Variants in ST7 observed in about 807,000 individuals in gnomAD.
ST7 encodes the protein suppression of tumorigenicity 7, also known as suppressor of tumorigenicity 7 protein.
ST7 carries 28 observed loss-of-function variants against 78.7 expected under a neutral mutation model. The observed-to-expected ratio is 0.36, with a 90% CI of 0.26 to 0.49. The LOEUF (loss-of-function observed/expected upper bound fraction) is 0.49, where lower values mean the gene tolerates loss of function less well. ST7 is among the 20% of genes least tolerant of loss of function. ST7 has a pLI of 0.99. For synonymous variants in ST7, 247 were observed against 249.6 expected, an observed-to-expected ratio of 0.99 and a Z score of 0.10; for missense variants, 418 against 696.0, an observed-to-expected ratio of 0.60 and a Z score of 4.49.
intron 1 of ST7, among the ~76,000 whole-genome samples, chr7:117,027,928 T>A: frequency 6.6e-6 from 1 of 152,114 alleles, no homozygotes. Context: ...TGGAGTAAGG[T>A]AATATCATTG....
chr7:117,207,389 G>T (rs539711550), intron 12 of ST7, among the ~76,000 whole-genome samples: 9 of 151,986 alleles, frequency 5.9e-5, no homozygotes, highest in Admixed American at 3.9e-4. Flanking sequence ...TGATCCACCC[G>T]CCACGACCTC....
chr7:117,033,377 C>T (rs1263049454), intron 1 of ST7, among the ~76,000 whole-genome samples: 1 of 151,198 alleles, frequency 6.6e-6, no homozygotes, highest in East Asian at 1.9e-4. Context: ...ATAATTCATG[C>T]ATGTCTGCTT....
intron 1 of ST7, among the ~76,000 whole-genome samples, chr7:117,051,492 T>C (rs1797789026): frequency 6.6e-6 from 1 of 152,146 alleles, no homozygotes; most frequent in South Asian, 2.1e-4. Context: ...AAGGGCTAGG[T>C]CACACAGGGG....
chr7:117,151,006 A>G (rs1806195997), intron 9 of ST7, among the ~76,000 whole-genome samples: 1 of 152,194 alleles, frequency 6.6e-6, no homozygotes, highest in Non-Finnish European at 1.5e-5. Flanking sequence ...TTTACTGCCA[A>G]AGCATGTACA....
At chr7:116,968,504 G>T in intron 1 of ST7, 2 of 423,068 alleles carry the variant, frequency 4.7e-6, no homozygotes, top group South Asian at 1.7e-5. Context: ...ACCATGCCTG[G>T]CTTAGAAAAG....
intron 1 of ST7, among the ~76,000 whole-genome samples, chr7:117,031,303 C>T (rs1051935826): frequency 1.3e-5 from 2 of 151,328 alleles, no homozygotes; most frequent in African/African-American, 2.4e-5. Context: ...CCCTGAGTCA[C>T]GAGTTTACCT....
intron 10 of ST7, among the ~76,000 whole-genome samples, chr7:117,179,112 C>G (rs921798823): frequency 6.6e-6 from 1 of 152,200 alleles, no homozygotes; most frequent in Non-Finnish European, 1.5e-5. Flanking sequence ...ATTTCAAACT[C>G]TGCTGGAACT....
At chr7:117,019,189 TCTA>T (rs1263885560) in intron 1 of ST7, among the ~76,000 whole-genome samples, 6 of 152,338 alleles carry the variant, frequency 3.9e-5, no homozygotes, top group Admixed American at 3.9e-4. Context: ...TATTGAACTT[TCTA>T]CTATATATGA....
chr7:117,019,956 C>T (rs1485899435), intron 1 of ST7, among the ~76,000 whole-genome samples: 1 of 152,192 alleles, frequency 6.6e-6, no homozygotes, highest in African/African-American at 2.4e-5. Flanking sequence ...GACTGATATG[C>T]ATGATGTCTT....
intron 2 of ST7, among the ~76,000 whole-genome samples, chr7:117,117,138 T>G (rs1802952127): frequency 6.6e-6 from 1 of 152,188 alleles, no homozygotes; most frequent in Non-Finnish European, 1.5e-5. Context: ...GTCAGGTCAT[T>G]GTAACTTGAT....
At chr7:117,001,685 A>G (rs1459737027) in intron 1 of ST7, among the ~76,000 whole-genome samples, 1 of 152,152 alleles carries the variant, frequency 6.6e-6, no homozygotes, top group Non-Finnish European at 1.5e-5. Flanking sequence ...GTTTAGTGTT[A>G]TTATCTTTTT....
chr7:117,097,822 C>CTATATA (rs372192783), intron 1 of ST7, among the ~76,000 whole-genome samples: 1,047 of 99,182 alleles, frequency 0.011, 29 homozygotes, highest in African/African-American at 0.035. Context: ...TGACATATCA[C>CTATATA]TATATATATA....
intron 1 of ST7, among the ~76,000 whole-genome samples, chr7:116,968,809 A>T (rs1361896761): frequency 1.3e-5 from 2 of 152,228 alleles, no homozygotes; most frequent in Non-Finnish European, 2.9e-5. Context: ...AGGAATTCCC[A>T]GGCTGCTTGG....
intron 14 of ST7, among the ~76,000 whole-genome samples, chr7:117,221,695 C>A (rs1652355655): frequency 6.6e-6 from 1 of 152,210 alleles, no homozygotes; most frequent in Non-Finnish European, 1.5e-5. Flanking sequence ...TCAGCCCCCT[C>A]CTGCCTCAAT....
chr7:117,031,497 T>C (rs62470801), intron 1 of ST7, among the ~76,000 whole-genome samples: 8,029 of 8,498 alleles, frequency 0.94, 3,806 homozygotes, highest in Middle Eastern at 1. Context: ...TGCATATATA[T>C]GCATATATGT....
intron 1 of ST7, among the ~76,000 whole-genome samples, chr7:117,054,050 C>G (rs1797934978): frequency 1.3e-5 from 2 of 152,022 alleles, no homozygotes; most frequent in African/African-American, 4.8e-5. Context: ...GTTGGCCAGG[C>G]TAGTTCCAAA....
At chr7:116,969,058 C>T (rs192927768) in intron 1 of ST7, among the ~76,000 whole-genome samples, 47 of 152,298 alleles carry the variant, frequency 3.1e-4, no homozygotes, top group African/African-American at 1.1e-3. Context: ...GTTAACATTT[C>T]GCCACAAGTG....
chr7:117,187,513 G>A (rs968657047), intron 10 of ST7: 1 of 152,142 alleles, frequency 6.6e-6, no homozygotes, highest in Non-Finnish European at 1.5e-5. Flanking sequence ...TAGTGGGAAC[G>A]GAGGTCAGGA....
intron 9 of ST7, among the ~76,000 whole-genome samples, chr7:117,141,758 T>G (rs1183765190): frequency 6.6e-6 from 1 of 152,028 alleles, no homozygotes. Flanking sequence ...CAGCCTTGAC[T>G]TCCCAAGCTC....
Sources: allele counts gnomAD v4.1 joint callset (sites outside exome capture counted in the v4.1 genomes callset), GRCh38; gene constraint gnomAD v4.1.1; transcripts MANE v1.5; gene names NCBI Gene and HGNC (gene_info 2026-07-23, HGNC 2026-07-21).